The following ELMO1 variants were observed in gnomAD, a reference collection of about 807,000 sequenced individuals.
ELMO1 encodes engulfment and cell motility 1, also known as engulfment and cell motility protein 1.
A neutral mutation model predicts 98.9 loss-of-function variants in ELMO1; 26 were observed. The ratio of observed to expected loss-of-function variants is 0.26; its 90% CI spans 0.19 to 0.36. The LOEUF is 0.36. ELMO1 is among the 10% of genes least tolerant of loss of function. ELMO1 has a pLI of 1.00. For missense variants in ELMO1, 627 were observed against 935.2 expected, an observed-to-expected ratio of 0.67 and a Z score of 4.30; for synonymous variants, 346 against 346.0, an observed-to-expected ratio of 1.00 and a Z score of 0.00.
At chr7:37,120,304 G>A (rs1008328285) in intron 14 of ELMO1, among the ~76,000 whole-genome samples, 6 of 152,252 alleles carry the variant, frequency 3.9e-5, no homozygotes, top group Non-Finnish European at 8.8e-5. Flanking sequence ...AGCGCACCAA[G>A]CGTGACCCGA....
intron 1 of ELMO1, among the ~76,000 whole-genome samples, chr7:37,444,411 A>C (rs1805527117): frequency 1.3e-5 from 2 of 152,266 alleles, no homozygotes; most frequent in East Asian, 3.8e-4. Flanking sequence ...AAAGGGAGCT[A>C]CTGCCTTTCT....
At chr7:37,232,330 T>A (rs1312989882) in intron 8 of ELMO1, among the ~76,000 whole-genome samples, 6 of 152,170 alleles carry the variant, frequency 3.9e-5, no homozygotes, top group Non-Finnish European at 1.5e-5. Flanking sequence ...GAAATGCCAA[T>A]GAATTTATAA....
At chr7:37,315,223 T>C (rs1400921665) in intron 3 of ELMO1, among the ~76,000 whole-genome samples, 1 of 152,198 alleles carries the variant, frequency 6.6e-6, no homozygotes, top group Non-Finnish European at 1.5e-5. Context: ...CTACTTATTT[T>C]AAGGGATTGA....
In ELMO1 at chr7:36,872,407, T is replaced by C. The variant is rs1803604945; in HGVS notation, c.1823-1932A>G. 2.0e-5 allele frequency among the ~76,000 whole-genome samples: 3 copies of C among 152,260 alleles called. No homozygotes were observed. In the South Asian group the frequency reaches 6.2e-4, roughly 31 times the overall value. ...GAGCAGCCCTTTGCCAACCTGTGTA[T>C]GTTGTATAACGTGAGTGAGAAATAA... On this transcript the variant is annotated intron_variant, in intron 19 of 21. Coordinates refer to ENST00000310758, the MANE Select transcript of ELMO1 (RefSeq NM_014800.11).
At chr7:37,106,475 C>T (rs2129271727) in intron 14 of ELMO1, among the ~76,000 whole-genome samples, 1 of 152,298 alleles carries the variant, frequency 6.6e-6, no homozygotes, top group Non-Finnish European at 1.5e-5. Context: ...GAGCACAGCC[C>T]TTACCAGACA....
At chr7:37,013,482 A>T in intron 15 of ELMO1, 47 bp from the exon 16 acceptor site, 2 of 1,603,454 alleles carry the variant, frequency 1.2e-6, no homozygotes, top group Non-Finnish European at 1.7e-6. Flanking sequence ...TAAAACAGTG[A>T]AACACGAGAA....
At position 37,253,513 on chromosome 7, in the gene ELMO1, C is replaced by T. The variant is rs574470551; in HGVS notation, c.413+5668G>A. On this transcript the variant is annotated intron_variant, in intron 6 of 21. Transcript: ENST00000310758. ...AACACCGCATGTTCTCACTTGTAAG[C>T]GGGAGTTGAACAATGAGAACACATA... Among the ~76,000 whole-genome samples, 10 of 152,098 alleles carry T rather than the reference C, an allele frequency of 6.6e-5. No individual in the cohort carries two copies. The East Asian group carries it at 9.7e-4, about 15-fold the overall frequency.
At chr7:37,441,719 G>A (rs1583771997) in intron 1 of ELMO1, among the ~76,000 whole-genome samples, 1 of 152,160 alleles carries the variant, frequency 6.6e-6, no homozygotes, top group African/African-American at 2.4e-5. Flanking sequence ...AAGAAACTGA[G>A]ACAAAAACTC....
chr7:36,887,286 T>C (rs973704811), intron 18 of ELMO1, among the ~76,000 whole-genome samples: 3 of 152,236 alleles, frequency 2.0e-5, no homozygotes, highest in Non-Finnish European at 2.9e-5. Context: ...GGTAGGCTCA[T>C]ATACGTGTCA....
chr7:37,342,589 A>G lies in ELMO1; in HGVS notation c.78+24T>C, dbSNP rs774845239. ...TATAGAAAGGAAACTGAAAATAGACACCCAATGCTGTCACGTTACTAACCT... is the reference window on the plus strand; with the variant it reads ...TATAGAAAGGAAACTGAAAATAGACGCCCAATGCTGTCACGTTACTAACCT... On this transcript the variant is annotated intron_variant, in intron 2 of 21. Coordinates refer to ENST00000310758, the MANE Select transcript of ELMO1 (RefSeq NM_014800.11). This position sits in a 1 kb window ranked among gnomAD's most constrained non-coding sequence, Gnocchi z 4.3. 2.5e-6 allele frequency: 4 copies of G among 1,612,042 alleles called. No individual in the cohort carries two copies. The East Asian group carries it at 6.7e-5, about 27-fold the overall frequency.
intron 5 of ELMO1, among the ~76,000 whole-genome samples, chr7:37,267,858 CAATT>C (rs1796344989): frequency 1.3e-5 from 2 of 152,280 alleles, no homozygotes; most frequent in Admixed American, 1.3e-4. Context: ...ATGCAGCTGT[CAATT>C]ATTTTTTCCA....
chr7:36,987,782 T>G lies in ELMO1; in HGVS notation c.1437+25517A>C, dbSNP rs546732156. Among the ~76,000 whole-genome samples the G allele has an allele frequency of 5.9e-5, 9 of 152,250 alleles. No homozygotes were observed. In the South Asian group the frequency reaches 1.9e-3, roughly 32 times the overall value. On this transcript the variant is annotated intron_variant, in intron 16 of 21. Transcript: ENST00000310758. Reference sequence around the variant, plus strand: ...TGCTCAGCTATAGCCCACTGGTGTTTTGTTTTGTTTTGACAGTCTTGCTGG... The same window carrying G: ...TGCTCAGCTATAGCCCACTGGTGTTGTGTTTTGTTTTGACAGTCTTGCTGG...
chr7:37,096,820 C>A (rs1784386367), intron 14 of ELMO1, 93 bp from the exon 15 acceptor site: 2 of 1,156,142 alleles, frequency 1.7e-6, no homozygotes, highest in Admixed American at 3.7e-5. Context: ...ATACATAGAT[C>A]CACTTCAGAT....
intron 14 of ELMO1, among the ~76,000 whole-genome samples, chr7:37,108,257 G>A (rs1362767117): frequency 6.6e-6 from 1 of 152,052 alleles, no homozygotes; most frequent in Admixed American, 6.5e-5. Context: ...TCTCCCTCTG[G>A]TACAGCTCTC....
intron 15 of ELMO1, among the ~76,000 whole-genome samples, chr7:37,013,829 T>C (rs1038257748): frequency 6.6e-6 from 1 of 152,216 alleles, no homozygotes; most frequent in Non-Finnish European, 1.5e-5. Flanking sequence ...CTCTTTCTTA[T>C]CAGAATAACT....
chr7:36,865,339 T>C (rs1802954040), intron 20 of ELMO1, among the ~76,000 whole-genome samples: 2 of 152,246 alleles, frequency 1.3e-5, no homozygotes, highest in African/African-American at 2.4e-5. Flanking sequence ...TTCAGAACTA[T>C]AGCTTATTGC....
intron 4 of ELMO1, among the ~76,000 whole-genome samples, chr7:37,289,016 T>C (rs1797541874): frequency 6.6e-6 from 1 of 152,164 alleles, no homozygotes; most frequent in Non-Finnish European, 1.5e-5. Flanking sequence ...CCTTGTTCGT[T>C]TTCTAAGTCT....
intron 1 of ELMO1, among the ~76,000 whole-genome samples, chr7:37,436,225 A>G (rs1805137497): frequency 6.6e-6 from 1 of 152,222 alleles, no homozygotes; most frequent in Non-Finnish European, 1.5e-5. Context: ...ACATATATTT[A>G]CCATTGGATT....
At chr7:37,313,618 G>A (rs1433791195) in intron 4 of ELMO1, among the ~76,000 whole-genome samples, 1 of 152,188 alleles carries the variant, frequency 6.6e-6, no homozygotes. Flanking sequence ...TGTTCATCTG[G>A]GAAGAACGAA....
Sources: gnomAD v4.1 joint callset for allele counts (sites outside exome capture counted in the v4.1 genomes callset) on GRCh38, gnomAD v4.1.1 for gene constraint, Gnocchi (gnomAD v3.1) non-coding constraint, MANE v1.5 for transcripts, NCBI Gene and HGNC (gene_info 2026-07-23, HGNC 2026-07-21) for gene names.